Variants in NLGN4Y observed in about 807,000 individuals in gnomAD.
NLGN4Y encodes neuroligin-4, Y-linked.
In NLGN4Y, 4 loss-of-function variants were observed where a neutral mutation model predicts 8.4. The observed-to-expected ratio is 0.48, with a 90% CI of 0.23 to 1.09. The LOEUF is 1.09. NLGN4Y is among the 50% of genes least tolerant of loss of function. The pLI, the probability that NLGN4Y is intolerant of heterozygous loss-of-function variation, is 0.19. For synonymous variants in NLGN4Y, 35 were observed against 75.6 expected (o/e 0.46, Z 2.78); for missense variants, 90 against 192.3 (o/e 0.47, Z 3.15).
intron 1 of NLGN4Y, among the ~76,000 whole-genome samples, chrY:14,544,760 T>A: frequency 3.0e-5 from 1 of 32,834 alleles, no homozygotes; most frequent in Non-Finnish European, 7.5e-5. Flanking sequence ...AAACATTTTT[T>A]TTTCCTCGTG....
At chrY:14,701,173 A>G (rs2080846275) in intron 2 of NLGN4Y, among the ~76,000 whole-genome samples, 1 of 24,042 alleles carries the variant, frequency 4.2e-5, no homozygotes, top group African/African-American at 1.4e-4. Flanking sequence ...AAAGGAGGAC[A>G]ATGCTAAGCC....
At chrY:14,679,406 G>A (rs2080761048) in intron 2 of NLGN4Y, among the ~76,000 whole-genome samples, 1 of 32,628 alleles carries the variant, frequency 3.1e-5, no homozygotes, top group African/African-American at 1.2e-4. Flanking sequence ...AGGATACAGT[G>A]AGCTGTAATC....
At chrY:14,747,786 A>T in intron 4 of NLGN4Y, among the ~76,000 whole-genome samples, 1 of 33,910 alleles carries the variant, frequency 2.9e-5, no homozygotes, top group African/African-American at 1.1e-4. Context: ...CTAAAGTGCT[A>T]AGATTACAGA....
At chrY:14,762,553 C>T (rs528122862) in intron 4 of NLGN4Y, among the ~76,000 whole-genome samples, 1 of 34,248 alleles carries the variant, frequency 2.9e-5, no homozygotes, top group African/African-American at 1.1e-4. Context: ...AACATTCTGC[C>T]ATAGGGCTTG....
Position 14,794,483 on chromosome Y carries a change from T to A in NLGN4Y, c.686-29705T>A, listed in dbSNP as rs769146993. Among the ~76,000 whole-genome samples the A allele has an allele frequency of 1.2e-4, 4 of 33,769 alleles. No homozygotes were observed. In the South Asian group the frequency reaches 2.6e-3, roughly 22 times the overall value. 90.6% of individuals were successfully genotyped at this position (33,769 alleles called of 37,273 possible). A position where few individuals can be genotyped will look rare whatever the true frequency, so the allele number is the denominator to read the frequency against. ...TCATTGAATGGTATGTTTTTGATAT[T>A]CAACCATGAAAATTCTTGGAGCTGT... On this transcript the variant is annotated intron_variant, in intron 4 of 6. Coordinates refer to ENST00000684976, the MANE Select transcript of NLGN4Y (RefSeq NM_001365588.1).
At chrY:14,716,820 C>T (rs779660225) in intron 2 of NLGN4Y, among the ~76,000 whole-genome samples, 2 of 33,774 alleles carry the variant, frequency 5.9e-5, no homozygotes, top group South Asian at 1.3e-3. Context: ...ATGTGTAAAA[C>T]AAAACAAAAC....
intron 4 of NLGN4Y, among the ~76,000 whole-genome samples, chrY:14,730,994 T>TGTGTGTGG (rs2080970237): frequency 4.1e-4 from 11 of 26,601 alleles, no homozygotes; most frequent in Non-Finnish European, 9.8e-4. Flanking sequence ...ATTATGTGTG[T>TGTGTGTGG]GTGTGTGTGT....
intron 2 of NLGN4Y, among the ~76,000 whole-genome samples, chrY:14,680,915 G>A (rs2080766657): frequency 3.0e-5 from 1 of 33,459 alleles, no homozygotes; most frequent in Non-Finnish European, 7.4e-5. Context: ...ATCTGCTTTA[G>A]TTTTCACAGT....
chrY:14,666,406 C>T (rs751482424), intron 2 of NLGN4Y, among the ~76,000 whole-genome samples: 184 of 33,492 alleles, frequency 5.5e-3, no homozygotes, highest in African/African-American at 0.021. Context: ...TTATTTTCTT[C>T]GCACATTTCA....
Position 14,842,853 on chromosome Y carries a change from T to A in NLGN4Y, c.*1591T>A. On this transcript the variant is annotated 3_prime_UTR_variant, in exon 7 of 7. Coordinates refer to ENST00000684976, the MANE Select transcript of NLGN4Y (RefSeq NM_001365588.1). ...TTGTCTCTCCAACAGCTTGTGGTTT[T>A]CTTATTACTCATTTTCAGGAAAGTT... 8.3e-6 allele frequency: 1 copy of A among 120,072 alleles called. No individual in the cohort carries two copies. The highest frequency in any genetic ancestry group is 9.5e-5 in the African/African-American group (1 of 10,482). The allele number at this position is 120,072 out of a possible 400,897, so 30.0% of individuals were successfully genotyped here. A position where few individuals can be genotyped will look rare whatever the true frequency, so the allele number is the denominator to read the frequency against.
chrY:14,557,808 C>A, intron 1 of NLGN4Y, among the ~76,000 whole-genome samples: 1 of 32,056 alleles, frequency 3.1e-5, no homozygotes, highest in African/African-American at 1.2e-4. Flanking sequence ...AGGACTCATA[C>A]AGTATTGTGG....
intron 2 of NLGN4Y, among the ~76,000 whole-genome samples, chrY:14,717,090 A>G (rs2080917672): frequency 5.9e-5 from 2 of 33,653 alleles, no homozygotes; most frequent in African/African-American, 1.2e-4. Flanking sequence ...TGTCTACCAA[A>G]ATACAAAAAT....
intron 1 of NLGN4Y, among the ~76,000 whole-genome samples, chrY:14,589,114 C>A (rs2080353291): frequency 3.0e-5 from 1 of 32,876 alleles, no homozygotes; most frequent in Non-Finnish European, 7.5e-5. Flanking sequence ...CTGGCTCAGG[C>A]AGCCTGCTTT....
At chrY:14,530,424 G>C in intron 1 of NLGN4Y, among the ~76,000 whole-genome samples, 1 of 32,980 alleles carries the variant, frequency 3.0e-5, no homozygotes, top group Non-Finnish European at 7.4e-5. Context: ...ATTCATTAAA[G>C]TGAGACCTAA....
chrY:14,562,826 C>G (rs879248598), intron 1 of NLGN4Y, among the ~76,000 whole-genome samples: 1 of 33,317 alleles, frequency 3.0e-5, no homozygotes, highest in Non-Finnish European at 7.4e-5. Context: ...TGGGAGTTCA[C>G]TCATGATTTG....
At chrY:14,641,519 G>A in intron 2 of NLGN4Y, among the ~76,000 whole-genome samples, 12 of 33,633 alleles carry the variant, frequency 3.6e-4, no homozygotes. Flanking sequence ...CTGAAAGGAA[G>A]CATCTTAATT....
At chrY:14,610,343 G>C in intron 1 of NLGN4Y, among the ~76,000 whole-genome samples, 1 of 33,151 alleles carries the variant, frequency 3.0e-5, no homozygotes, top group Non-Finnish European at 7.4e-5. Flanking sequence ...TGGTCATTTA[G>C]TGCTCTAAAT....
intron 6 of NLGN4Y, among the ~76,000 whole-genome samples, chrY:14,832,735 G>A (rs2043183960): frequency 5.9e-5 from 2 of 33,911 alleles, no homozygotes; most frequent in Non-Finnish European, 1.5e-4. Flanking sequence ...GTGCAAATAG[G>A]TGTGGGTCAC....
At chrY:14,599,297 T>A (rs988947085) in intron 1 of NLGN4Y, among the ~76,000 whole-genome samples, 13 of 30,282 alleles carry the variant, frequency 4.3e-4, no homozygotes, top group African/African-American at 1.7e-3. Context: ...GTAGACGATC[T>A]GCAAGCTGAG....
Sources: allele counts gnomAD v4.1 joint callset (sites outside exome capture counted in the v4.1 genomes callset), GRCh38; gene constraint gnomAD v4.1.1; transcripts MANE v1.5; gene names NCBI Gene and HGNC (gene_info 2026-07-23, HGNC 2026-07-21).